Variants in ROR1 observed in about 807,000 individuals in gnomAD.
ROR1 encodes inactive tyrosine-protein kinase transmembrane receptor ROR1.
A neutral mutation model predicts 78.8 loss-of-function variants in ROR1; 19 were observed. The observed-to-expected ratio is 0.24, with a 90% CI of 0.17 to 0.35. ROR1 has a LOEUF of 0.35. Ranked by LOEUF, ROR1 falls within the 10% of genes least tolerant of loss-of-function variation. The pLI, the probability that ROR1 is intolerant of heterozygous loss-of-function variation, is 1.00. For missense variants in ROR1, 917 were observed against 1,177.8 expected (o/e 0.78, Z 3.24); for synonymous variants, 386 against 433.6 (o/e 0.89, Z 1.36).
intron 2 of ROR1, among the ~76,000 whole-genome samples, chr1:64,009,581 G>A (rs1015272388): frequency 2.6e-5 from 4 of 151,700 alleles, no homozygotes; most frequent in African/African-American, 4.9e-5. Flanking sequence ...TCCCCCCCTC[G>A]TTCCTTTTTC....
intron 1 of ROR1, among the ~76,000 whole-genome samples, chr1:63,932,751 T>A (rs1489564669): frequency 6.6e-6 from 1 of 152,158 alleles, no homozygotes; most frequent in East Asian, 1.9e-4. Context: ...AGAGGCAGGA[T>A]TTGAACCTGC....
At chr1:63,928,945 C>T (rs1012038436) in intron 1 of ROR1, among the ~76,000 whole-genome samples, 1 of 152,010 alleles carries the variant, frequency 6.6e-6, no homozygotes, top group Non-Finnish European at 1.5e-5. Flanking sequence ...TGTTACAGGC[C>T]GAAGCTCATA....
Position 64,176,091 on chromosome 1 carries a change from A to G in ROR1, c.1387-1337A>G, listed in dbSNP as rs12065419. ...GTACATTTTAAAATAGTAAAAACAT[A>G]TAACATTATAGACATTTACTTGCCA... On this transcript the variant is annotated intron_variant, in intron 8 of 8. Coordinates refer to ENST00000371079, the MANE Select transcript of ROR1 (RefSeq NM_005012.4). Among the ~76,000 whole-genome samples, 1,095 of 152,376 alleles carry G rather than the reference A, an allele frequency of 7.2e-3. 22 individuals are homozygous for G. Among genetic ancestry groups the G allele is most frequent in the African/African-American group, 0.025 (1,051 of 41,586 alleles).
rs917865228 is a variant in ROR1 at position 64,177,924 on chromosome 1, A to T, written c.1883A>T (p.His628Leu). ...AATATTTTAATCGGAGAGCAACTTC[A>T]TGTAAAGATTTCAGACTTGGGGCTT... ...ARNILIGEQL[H>L]VKISDLGLSR... is the part of the protein sequence containing the mutation. Residue 628 changes from histidine (H) to leucine (L), a missense_variant, in exon 9 of 9, where the codon CAT becomes CTT. Physicochemically the swap from His to Leu is moderately conservative, Grantham distance 99. Around this residue, in one of 3 missense-constraint regions of ROR1, gnomAD observed 835 missense variants for 1,069.8 expected, o/e 0.78. Coordinates refer to ENST00000371079, the MANE Select transcript of ROR1 (RefSeq NM_005012.4). The T allele has an allele frequency of 6.2e-7, 1 of 1,614,102 alleles. No homozygotes were observed. The highest frequency in any genetic ancestry group is 1.3e-5 in the African/African-American group (1 of 74,932).
At chr1:64,114,565 A>AT (rs1372464295) in intron 4 of ROR1, among the ~76,000 whole-genome samples, 15 of 151,288 alleles carry the variant, frequency 9.9e-5, no homozygotes, top group Non-Finnish European at 1.8e-4. Context: ...ATGCTTAAGC[A>AT]TTTTTTTTTC....
At chr1:63,991,310 T>C (rs989188903) in intron 1 of ROR1, among the ~76,000 whole-genome samples, 1 of 152,184 alleles carries the variant, frequency 6.6e-6, no homozygotes. Context: ...TACATGAGCT[T>C]TATGGCATGA....
At chr1:64,057,197 A>G (rs1646881844) in intron 4 of ROR1, among the ~76,000 whole-genome samples, 1 of 152,198 alleles carries the variant, frequency 6.6e-6, no homozygotes, top group South Asian at 2.1e-4. Flanking sequence ...GTGAGGTGGG[A>G]GTCCAGGTTC....
intron 1 of ROR1, among the ~76,000 whole-genome samples, chr1:63,813,960 C>T (rs184717287): frequency 6.6e-6 from 1 of 152,288 alleles, no homozygotes; most frequent in East Asian, 1.9e-4. Context: ...AATTTTTTCC[C>T]CTATCTGCTT....
chr1:63,946,003 C>T (rs1034539348), intron 1 of ROR1, among the ~76,000 whole-genome samples: 2 of 152,110 alleles, frequency 1.3e-5, no homozygotes, highest in African/African-American at 4.8e-5. Flanking sequence ...CCTGGTCCTC[C>T]TAGGCAATTG....
At chr1:63,808,387 A>G (rs1467865094) in intron 1 of ROR1, among the ~76,000 whole-genome samples, 1 of 152,214 alleles carries the variant, frequency 6.6e-6, no homozygotes, top group Non-Finnish European at 1.5e-5. Context: ...ATGACCCTAG[A>G]CTGAATAACT....
At chr1:63,834,244 T>G (rs1292556368) in intron 1 of ROR1, among the ~76,000 whole-genome samples, 1 of 151,920 alleles carries the variant, frequency 6.6e-6, no homozygotes, top group Non-Finnish European at 1.5e-5. Flanking sequence ...ATATTTAAAG[T>G]GGGTTACTCT....
At chr1:64,175,926 A>AT (rs1483597135) in intron 8 of ROR1, among the ~76,000 whole-genome samples, 1 of 152,158 alleles carries the variant, frequency 6.6e-6, no homozygotes, top group Non-Finnish European at 1.5e-5. Flanking sequence ...TTCAGTTAGA[A>AT]TTTTCAGGGT....
intron 1 of ROR1, among the ~76,000 whole-genome samples, chr1:63,855,578 AT>A (rs1645142659): frequency 6.6e-6 from 1 of 150,552 alleles, no homozygotes; most frequent in South Asian, 2.1e-4. Context: ...GCAATGTCTA[AT>A]CTGATGTTAA....
intron 4 of ROR1, among the ~76,000 whole-genome samples, chr1:64,071,902 T>C (rs1183145399): frequency 1.3e-5 from 2 of 152,140 alleles, no homozygotes; most frequent in Non-Finnish European, 2.9e-5. Context: ...TTCTCTCCTC[T>C]CTCTCAGTTG....
intron 1 of ROR1, among the ~76,000 whole-genome samples, chr1:63,997,467 A>G (rs959172055): frequency 6.6e-6 from 1 of 152,230 alleles, no homozygotes; most frequent in African/African-American, 2.4e-5. Context: ...AGCTGTCTCA[A>G]TGTTGAGGTT....
At chr1:64,070,914 G>A (rs1646998422) in intron 4 of ROR1, among the ~76,000 whole-genome samples, 1 of 152,212 alleles carries the variant, frequency 6.6e-6, no homozygotes, top group Non-Finnish European at 1.5e-5. Flanking sequence ...TTAACAGCTT[G>A]GTGAGTAAAG....
intron 1 of ROR1, among the ~76,000 whole-genome samples, chr1:63,997,128 T>A (rs1214032028): frequency 6.6e-6 from 1 of 152,184 alleles, no homozygotes; most frequent in Admixed American, 6.5e-5. Context: ...ATGCTTTAAG[T>A]GGCTGAGAAT....
intron 1 of ROR1, among the ~76,000 whole-genome samples, chr1:63,998,894 T>C (rs1366951339): frequency 6.6e-6 from 1 of 152,224 alleles, no homozygotes; most frequent in African/African-American, 2.4e-5. Context: ...CCCTGTACTG[T>C]TCTTGTGGTA....
At chr1:63,902,297 G>A (rs17125779) in intron 1 of ROR1, among the ~76,000 whole-genome samples, 1,648 of 151,914 alleles carry the variant, frequency 0.011, 32 homozygotes, top group African/African-American at 0.038. Flanking sequence ...CCTTAGTGTG[G>A]TCAGACCCTA....
Sources: allele counts gnomAD v4.1 joint callset (sites outside exome capture counted in the v4.1 genomes callset), GRCh38; gene constraint gnomAD v4.1.1; regional missense constraint gnomAD v4.1.1; transcripts MANE v1.5; gene names NCBI Gene and HGNC (gene_info 2026-07-23, HGNC 2026-07-21).